Variants in CHCHD6 observed in about 807,000 individuals in gnomAD.
CHCHD6 encodes the protein coiled-coil-helix-coiled-coil-helix domain containing 6, also known as MICOS complex subunit MIC25.
A neutral mutation model predicts 32.3 loss-of-function variants in CHCHD6; 28 were observed. The observed-to-expected ratio is 0.87, with a 90% CI of 0.64 to 1.19. CHCHD6 has a LOEUF of 1.19. Among genes scored for constraint, CHCHD6 ranks in the 50% most tolerant of loss-of-function variants. The pLI, the probability that CHCHD6 is intolerant of heterozygous loss-of-function variation, is 0.00. For synonymous variants in CHCHD6, 122 were observed against 117.5 expected (o/e 1.04, Z -0.25); for missense variants, 333 against 307.0 (o/e 1.08, Z -0.63).
intron 3 of CHCHD6, among the ~76,000 whole-genome samples, chr3:126,732,702 T>A (rs533653929): frequency 1.3e-5 from 2 of 152,352 alleles, no homozygotes; most frequent in South Asian, 4.1e-4. Flanking sequence ...AAGAGTTAAA[T>A]GTTCAAAACA....
At chr3:126,822,834 CTG>C (rs1189967472) in intron 4 of CHCHD6, among the ~76,000 whole-genome samples, 2 of 152,078 alleles carry the variant, frequency 1.3e-5, no homozygotes, top group Non-Finnish European at 2.9e-5. Context: ...TTCAAATGAT[CTG>C]TGTTAGTAAC....
In CHCHD6 at chr3:126,858,617, G is replaced by A. The variant is rs543281905; in HGVS notation, c.495+5887G>A. Among the ~76,000 whole-genome samples, 5 of 152,242 alleles carry A rather than the reference G, an allele frequency of 3.3e-5. No homozygotes were observed. In the South Asian group the frequency reaches 8.3e-4, roughly 25 times the overall value. On this transcript the variant is annotated intron_variant, in intron 5 of 7. Transcript: ENST00000290913. ...TCCCAGGCCCACCTGTGTTTGCCTC[G>A]CCTCCTCGTGTGACTGGAGGACAGA...
intron 4 of CHCHD6, among the ~76,000 whole-genome samples, chr3:126,768,039 A>G (rs1176376123): frequency 6.6e-6 from 1 of 152,164 alleles, no homozygotes; most frequent in Non-Finnish European, 1.5e-5. Flanking sequence ...CCTATCGTGA[A>G]TAGTGCTGCA....
At chr3:126,867,126 C>T (rs1231368462) in intron 5 of CHCHD6, among the ~76,000 whole-genome samples, 2 of 152,186 alleles carry the variant, frequency 1.3e-5, no homozygotes, top group African/African-American at 4.8e-5. Flanking sequence ...TGCATGGGAC[C>T]TGGTCCAGAG....
At chr3:126,911,733 C>T (rs1045736101) in intron 5 of CHCHD6, among the ~76,000 whole-genome samples, 6 of 152,160 alleles carry the variant, frequency 3.9e-5, no homozygotes, top group South Asian at 2.1e-4. Flanking sequence ...CCAAATTCAC[C>T]GGGGCCAGGC....
At chr3:126,884,919 A>G (rs2077659044) in intron 5 of CHCHD6, among the ~76,000 whole-genome samples, 1 of 152,168 alleles carries the variant, frequency 6.6e-6, no homozygotes, top group South Asian at 2.1e-4. Context: ...TGGGTTATCC[A>G]CCATTTGTGC....
At chr3:126,751,007 G>A (rs1481148187) in intron 4 of CHCHD6, among the ~76,000 whole-genome samples, 3 of 152,202 alleles carry the variant, frequency 2.0e-5, no homozygotes, top group African/African-American at 4.8e-5. Flanking sequence ...TGGAAGGGTA[G>A]GAGGGAGAGG....
intron 4 of CHCHD6, among the ~76,000 whole-genome samples, chr3:126,764,644 G>C (rs7650515): frequency 5.9e-5 from 9 of 152,130 alleles, no homozygotes; most frequent in African/African-American, 2.2e-4. Context: ...TCCTGCAAAG[G>C]CTAGGACTTC....
chr3:126,763,838 C>T lies in CHCHD6; in HGVS notation c.411+30616C>T, dbSNP rs371460577. On this transcript the variant is annotated intron_variant, in intron 4 of 7. Transcript: ENST00000290913. ...AGGAAGTTGAGGAATTATGGTTTAA[C>T]CAGTAAAGAGCTTTTGTGTGGGATG... Among the ~76,000 whole-genome samples, 7 of 152,098 alleles carry T rather than the reference C, an allele frequency of 4.6e-5. No homozygotes were observed. The South Asian group carries it at 8.3e-4, about 18-fold the overall frequency.
intron 1 of CHCHD6, among the ~76,000 whole-genome samples, chr3:126,707,813 C>T (rs1480739873): frequency 6.6e-6 from 1 of 152,242 alleles, no homozygotes; most frequent in Non-Finnish European, 1.5e-5. Flanking sequence ...TGTGCCAGTG[C>T]CAGAGAGGCC....
In CHCHD6 at chr3:126,825,524, G is replaced by A. The variant is rs571652388; in HGVS notation, c.412-27123G>A. The stretch of plus-strand genomic sequence containing the variant: ...ATCCAGTCTTCATTTATGTTTGTGG[G>A]TTTGTCCATCCGTTCTGTCAACTTT... On this transcript the variant is annotated intron_variant, in intron 4 of 7. Coordinates refer to ENST00000290913, the MANE Select transcript of CHCHD6 (RefSeq NM_032343.3). Among the ~76,000 whole-genome samples the A allele has an allele frequency of 8.3e-4, 126 of 152,102 alleles. 1 individual carries two copies. The highest frequency in any genetic ancestry group is 2.9e-3 in the African/African-American group (119 of 41,500).
chr3:126,834,128 AATGT>A (rs1317013998), intron 4 of CHCHD6, among the ~76,000 whole-genome samples: 4 of 151,990 alleles, frequency 2.6e-5, no homozygotes, highest in Non-Finnish European at 4.4e-5. Flanking sequence ...TGAAATAATC[AATGT>A]ATCTTGAAAG....
At chr3:126,790,326 TC>T (rs1938462932) in intron 4 of CHCHD6, among the ~76,000 whole-genome samples, 1 of 152,150 alleles carries the variant, frequency 6.6e-6, no homozygotes, top group South Asian at 2.1e-4. Context: ...TCGAGGAGTA[TC>T]TTTGTGGTGT....
chr3:126,779,778 A>T (rs1576406237), intron 4 of CHCHD6, among the ~76,000 whole-genome samples: 1 of 152,304 alleles, frequency 6.6e-6, no homozygotes, highest in Admixed American at 6.5e-5. Flanking sequence ...AAGCATATAT[A>T]GTTGATTTCA....
At position 126,849,951 on chromosome 3, in the gene CHCHD6, C is replaced by T. The variant is rs551643620; in HGVS notation, c.412-2696C>T. ...GTGCTAGGAAGCCAATTTGAGACTGCGGGGCAACTGTGTGGAGTGGCGGGT... is the reference window on the plus strand; with the variant it reads ...GTGCTAGGAAGCCAATTTGAGACTGTGGGGCAACTGTGTGGAGTGGCGGGT... On this transcript the variant is annotated intron_variant, in intron 4 of 7. Transcript: ENST00000290913. Among the ~76,000 whole-genome samples the T allele has an allele frequency of 7.9e-5, 12 of 152,338 alleles. No individual in the cohort carries two copies. The South Asian group carries it at 2.3e-3, about 29-fold the overall frequency.
At chr3:126,846,768 T>C (rs1180531312) in intron 4 of CHCHD6, among the ~76,000 whole-genome samples, 1 of 152,244 alleles carries the variant, frequency 6.6e-6, no homozygotes, top group Non-Finnish European at 1.5e-5. Flanking sequence ...GGGCCATTAA[T>C]GTGTCTGGTT....
intron 6 of CHCHD6, among the ~76,000 whole-genome samples, chr3:126,934,780 A>G (rs1210278967): frequency 6.6e-6 from 1 of 151,476 alleles, no homozygotes; most frequent in Admixed American, 6.6e-5. Context: ...CGATCTCCTG[A>G]CCTCATGATC....
chr3:126,825,726 G>A (rs1940360648), intron 4 of CHCHD6, among the ~76,000 whole-genome samples: 1 of 152,028 alleles, frequency 6.6e-6, no homozygotes. Context: ...TTCTTTTAGT[G>A]TTTGCATGGT....
chr3:126,846,831 T>C (rs945909480), intron 4 of CHCHD6, among the ~76,000 whole-genome samples: 1 of 152,156 alleles, frequency 6.6e-6, no homozygotes, highest in African/African-American at 2.4e-5. Context: ...TACACGTGTT[T>C]GTGTGTGTGT....
Sources: allele counts gnomAD v4.1 joint callset (sites outside exome capture counted in the v4.1 genomes callset), GRCh38; gene constraint gnomAD v4.1.1; transcripts MANE v1.5; gene names NCBI Gene and HGNC (gene_info 2026-07-23, HGNC 2026-07-21).